The following ATP1A2 variants were observed in gnomAD, a reference collection of about 807,000 sequenced individuals.
ATP1A2 encodes ATPase Na+/K+ transporting subunit alpha 2, also known as sodium/potassium-transporting ATPase subunit alpha-2.
ATP1A2 carries 56 observed loss-of-function variants against 113.1 expected under a neutral mutation model. That is an observed-to-expected ratio of 0.49 (90% CI 0.40 to 0.62). The LOEUF (loss-of-function observed/expected upper bound fraction) is 0.62. Ranked by LOEUF, ATP1A2 falls within the 20% of genes least tolerant of loss-of-function variation. The pLI is 0.00. For synonymous variants in ATP1A2, 490 were observed against 526.8 expected (o/e 0.93, Z 0.96); for missense variants, 712 against 1,357.8 (o/e 0.52, Z 7.47).
chr1:160,140,235 C>T (rs1231638990), intron 22 of ATP1A2, among the ~76,000 whole-genome samples: 3 of 152,160 alleles, frequency 2.0e-5, no homozygotes. Flanking sequence ...CACCTGAAAC[C>T]ACAGAACATC....
In ATP1A2 at chr1:160,134,584, C is replaced by G. The variant is rs763782107; in HGVS notation, c.1928C>G (p.Ala643Gly). 8 of 1,614,246 alleles carry G rather than the reference C, an allele frequency of 5.0e-6. No homozygotes were observed. In the South Asian group the frequency reaches 8.8e-5, roughly 18 times the overall value. Reference sequence around the variant, plus strand: ...AACGAGACTGTGGAGGACATTGCAGCCCGGCTCAACATTCCCATGAGTCAA... The same window carrying G: ...AACGAGACTGTGGAGGACATTGCAGGCCGGCTCAACATTCCCATGAGTCAA... The part of the protein sequence containing the change: ...EGNETVEDIA[A>G]RLNIPMSQVN... Residue 643 changes from alanine (A) to glycine (G), a missense_variant, in exon 14 of 23, where the codon GCC becomes GGC. Ala to Gly is a moderately conservative substitution (Grantham distance 60). This residue lies in a region of ATP1A2 where 263 missense variants were observed against 380.6 expected (regional missense o/e 0.69). Transcript: ENST00000361216.
intron 20 of ATP1A2, among the ~76,000 whole-genome samples, chr1:160,139,252 G>A (rs1044151717): frequency 3.9e-5 from 6 of 152,108 alleles, no homozygotes; most frequent in Non-Finnish European, 7.3e-5. Flanking sequence ...ACATACATGG[G>A]CCCTGCACTG....
At chr1:160,132,085 C>A (rs2101991965) in intron 13 of ATP1A2, among the ~76,000 whole-genome samples, 1 of 152,210 alleles carries the variant, frequency 6.6e-6, no homozygotes, top group South Asian at 2.1e-4. Context: ...CGATGTTTGA[C>A]AAAAGGAATG....
rs1651895236 is a variant in ATP1A2 at position 160,135,158 on chromosome 1, T to C, written c.1978T>C (p.Cys660Arg). Reference sequence around the variant, plus strand: ...CCCACCCTCCAGAGAAGCCAAGGCATGCGTGGTGCACGGCTCTGACCTGAA... The same window carrying C: ...CCCACCCTCCAGAGAAGCCAAGGCACGCGTGGTGCACGGCTCTGACCTGAA... The part of the protein sequence containing the change: ...SQVNPREAKA[C>R]VVHGSDLKDM... Residue 660 changes from cysteine (C) to arginine (R), a missense_variant, in exon 15 of 23, where the codon TGC becomes CGC. By Grantham distance (180) the Cys-to-Arg change is radical (BLOSUM62 -3). Coordinates refer to ENST00000361216, the MANE Select transcript of ATP1A2 (RefSeq NM_000702.4). The surrounding 1 kb of genome is among the most constrained non-coding windows in gnomAD (Gnocchi z 6.3). The C allele has an allele frequency of 1.2e-6, 2 of 1,613,958 alleles. No homozygotes were observed. The highest frequency in any genetic ancestry group is 1.7e-6 in the Non-Finnish European group (2 of 1,180,010).
At chr1:160,120,034 A>C (rs561613953) in intron 1 of ATP1A2, among the ~76,000 whole-genome samples, 1 of 151,788 alleles carries the variant, frequency 6.6e-6, no homozygotes, top group African/African-American at 2.4e-5. Context: ...AAAAAAAAAA[A>C]GGCCATCTGA....
chr1:160,134,431 G>C, intron 13 of ATP1A2, 53 bp from the exon 14 acceptor site: 3 of 1,613,350 alleles, frequency 1.9e-6, no homozygotes, highest in Middle Eastern at 1.7e-4. Context: ...AGGAACAGGA[G>C]GGGGATAAAC....
rs1558006189 is a variant in ATP1A2, at chr1:160,129,296, G to A, written c.1357G>A (p.Ala453Thr). 1.9e-6 allele frequency: 3 copies of A among 1,614,188 alleles called. No individual in the cohort carries two copies. The highest frequency in any genetic ancestry group is 2.5e-6 in the Non-Finnish European group (3 of 1,180,030). Residue 453 changes from alanine to threonine, a missense_variant, in exon 11 of 23, where the codon GCT becomes ACT. Ala to Thr is a moderately conservative substitution (Grantham distance 58). Transcript: ENST00000361216. ...RDTAGDASESALLKCIELSCG... is the reference protein window; with the variant it reads ...RDTAGDASESTLLKCIELSCG... ...CACAGCTGGTGATGCCTCTGAGTCA[G>A]CTCTGCTCAAGTGCATTGAGCTCTC... is the stretch of plus-strand genomic sequence containing the variant.
Position 160,135,164 on chromosome 1 carries a change from G to A in ATP1A2, c.1984G>A (p.Val662Met), listed in dbSNP as rs140581671. 6.2e-7 allele frequency: 1 copy of A among 1,613,946 alleles called. No homozygotes were observed. The highest frequency in any genetic ancestry group is 1.3e-5 in the African/African-American group (1 of 74,878). The change falls in exon 15 of 23, where the codon GTG (valine) becomes ATG (methionine). Residue 662 changes from valine to methionine, a missense_variant. Val to Met is a conservative substitution (Grantham distance 21, BLOSUM62 1). Transcript: ENST00000361216. The surrounding 1 kb of genome is among the most constrained non-coding windows in gnomAD (Gnocchi z 6.3). ...VNPREAKACV[V>M]HGSDLKDMTS... is the part of the protein sequence containing the mutation. ...CTCCAGAGAAGCCAAGGCATGCGTG[G>A]TGCACGGCTCTGACCTGAAGGACAT...
At chr1:160,121,935 C>A (rs2101984465) in intron 3 of ATP1A2, among the ~76,000 whole-genome samples, 1 of 152,316 alleles carries the variant, frequency 6.6e-6, no homozygotes, top group African/African-American at 2.4e-5. Context: ...GGTTTGAGAG[C>A]AGCCTGGGCA....
rs1354848030 is a variant in ATP1A2, at chr1:160,115,824, C to T, written c.-38C>T. ...TGTGGGCTTGGGATCCTCCTGGTGA[C>T]CTCTCCCGCTAAGGTCCCTCAGCCA... On this transcript the variant is annotated 5_prime_UTR_variant, in exon 1 of 23. Transcript: ENST00000361216. The T allele has an allele frequency of 1.3e-6, 2 of 1,583,530 alleles. No individual in the cohort carries two copies. Among genetic ancestry groups the T allele is most frequent in the East Asian group, 4.6e-5 (2 of 43,672 alleles).
chr1:160,129,321 C>T lies in ATP1A2; in HGVS notation c.1382C>T (p.Ser461Phe), dbSNP rs751491994. Residue 461 changes from serine to phenylalanine, a missense_variant, in exon 11 of 23, where the codon TCC (serine) becomes TTC (phenylalanine). Physicochemically the swap from Ser to Phe is radical, Grantham distance 155 (BLOSUM62 -2). Transcript: ENST00000361216. ...ESALLKCIEL[S>F]CGSVRKMRDR... ...GCTCTGCTCAAGTGCATTGAGCTCT[C>T]CTGTGGCTCAGTGAGGAAAATGAGA... 3.4e-5 allele frequency: 55 copies of T among 1,614,062 alleles called. No homozygotes were observed. The highest frequency in any genetic ancestry group is 4.6e-5 in the Non-Finnish European group (54 of 1,180,044).
At chr1:160,140,187 G>T (rs890099810) in intron 22 of ATP1A2, 3 of 598,578 alleles carry the variant, frequency 5.0e-6, no homozygotes. Flanking sequence ...TCTAAACCCC[G>T]CCTAACTCAC....
rs552745040 is a variant in ATP1A2 at position 160,139,235 on chromosome 1, G to A, written c.2841-405G>A. 2.0e-4 allele frequency among the ~76,000 whole-genome samples: 30 copies of A among 152,192 alleles called. No individual in the cohort carries two copies. In the South Asian group the frequency reaches 6.0e-3, roughly 31 times the overall value. On this transcript the variant is annotated intron_variant, in intron 20 of 22. Transcript: ENST00000361216. ...AGGAACTGTGGGAGATGCTGAGACG[G>A]TAGAAGACATACATGGGCCCTGCAC...
chr1:160,138,528 G>T (rs1652026547), intron 20 of ATP1A2, among the ~76,000 whole-genome samples: 1 of 152,298 alleles, frequency 6.6e-6, no homozygotes, highest in East Asian at 1.9e-4. Flanking sequence ...ACCAAAAAGA[G>T]GTACCTTGTG....
chr1:160,137,934 T>G (rs1220952287), intron 20 of ATP1A2, among the ~76,000 whole-genome samples: 1 of 151,736 alleles, frequency 6.6e-6, no homozygotes, highest in Admixed American at 6.6e-5. Flanking sequence ...AGGAAGGAGA[T>G]TCCAGTAAGC....
At chr1:160,129,898 A>T (rs1324373292) in intron 11 of ATP1A2, among the ~76,000 whole-genome samples, 1 of 152,110 alleles carries the variant, frequency 6.6e-6, no homozygotes, top group Non-Finnish European at 1.5e-5. Flanking sequence ...TGAATGAAAG[A>T]CTGTCCTACG....
At position 160,135,803 on chromosome 1, in the gene ATP1A2, T is replaced by A. The variant is rs746926586; in HGVS notation, c.2285-36T>A. 12 of 1,614,054 alleles carry A rather than the reference T, an allele frequency of 7.4e-6. No individual in the cohort carries two copies. In the South Asian group the frequency reaches 1.3e-4, roughly 18 times the overall value. ...GGGGCTGGGGGTGGGGAAGAGTCCC[T>A]CTGACCTCCCTGATGCCCTCAGAAT... On this transcript the variant is annotated intron_variant, in intron 16 of 22. Transcript: ENST00000361216. This position sits in a 1 kb window ranked among gnomAD's most constrained non-coding sequence, Gnocchi z 6.3.
chr1:160,128,745 A>T lies in ATP1A2; in HGVS notation c.1111A>T (p.Ile371Phe). The T allele has an allele frequency of 6.2e-7, 1 of 1,614,198 alleles. No homozygotes were observed. Among genetic ancestry groups the T allele is most frequent in the Non-Finnish European group, 8.5e-7 (1 of 1,180,030 alleles). The stretch of plus-strand genomic sequence containing the variant: ...GGAGACGCTGGGCTCCACGTCCACC[A>T]TCTGCTCGGACAAGACGGGCACCCT... ...AVETLGSTST[I>F]CSDKTGTLTQ... Residue 371 changes from isoleucine to phenylalanine, a missense_variant, in exon 9 of 23, where the codon ATC becomes TTC. This residue lies in a region of ATP1A2 where 44 missense variants were observed against 153.1 expected (regional missense o/e 0.29). Coordinates refer to ENST00000361216, the MANE Select transcript of ATP1A2 (RefSeq NM_000702.4).
In ATP1A2 at chr1:160,127,639, G is replaced by T; in HGVS notation, c.836G>T (p.Arg279Leu). ...CTCGCCTCAGGCCTGGAGGTTGGGC[G>T]GACACCCATAGCAATGGAGATTGAA... ...ATLASGLEVG[R>L]TPIAMEIEHF... is the part of the protein sequence containing the mutation. Residue 279 changes from arginine to leucine, a missense_variant, in exon 8 of 23, where the codon CGG (arginine) becomes CTG (leucine). This residue lies in a region of ATP1A2 where 99 missense variants were observed against 180.4 expected (regional missense o/e 0.55). Transcript: ENST00000361216. 6.2e-7 allele frequency: 1 copy of T among 1,614,238 alleles called. No homozygotes were observed. The highest frequency in any genetic ancestry group is 8.5e-7 in the Non-Finnish European group (1 of 1,180,034).
Sources: gnomAD v4.1 joint callset for allele counts (sites outside exome capture counted in the v4.1 genomes callset) on GRCh38, gnomAD v4.1.1 for gene constraint, gnomAD v4.1.1 regional missense constraint, Gnocchi (gnomAD v3.1) non-coding constraint, MANE v1.5 for transcripts, NCBI Gene and HGNC (gene_info 2026-07-23, HGNC 2026-07-21) for gene names.